Variants in SLC23A2 observed in about 807,000 individuals in gnomAD.
SLC23A2 encodes the protein solute carrier family 23 member 2, also known as Na(+)/L-ascorbic acid transporter 2.
A neutral mutation model predicts 73.3 loss-of-function variants in SLC23A2; 36 were observed. The observed-to-expected ratio is 0.49, with a 90% CI of 0.38 to 0.65. The LOEUF (loss-of-function observed/expected upper bound fraction) is 0.65. SLC23A2 is among the 30% of genes least tolerant of loss of function. The probability of loss-of-function intolerance (pLI) is 0.00; values close to 1 mark genes in which losing one functional copy is unlikely to be tolerated. For missense variants in SLC23A2, 507 were observed against 841.6 expected, an observed-to-expected ratio of 0.60 and a Z score of 4.92; for synonymous variants, 343 against 327.3, an observed-to-expected ratio of 1.05 and a Z score of -0.52.
intron 2 of SLC23A2, among the ~76,000 whole-genome samples, chr20:4,940,060 T>C (rs920163233): frequency 6.6e-6 from 1 of 152,174 alleles, no homozygotes; most frequent in Non-Finnish European, 1.5e-5. Flanking sequence ...CTCATGCCTC[T>C]AATCCCAACA....
At chr20:4,882,147 T>C (rs1930910770) in intron 9 of SLC23A2, among the ~76,000 whole-genome samples, 1 of 151,902 alleles carries the variant, frequency 6.6e-6, no homozygotes, top group Non-Finnish European at 1.5e-5. Context: ...GAGGCCAAGG[T>C]GGGCAGATCA....
At chr20:4,949,479 C>G (rs1292161352) in intron 2 of SLC23A2, among the ~76,000 whole-genome samples, 1 of 152,098 alleles carries the variant, frequency 6.6e-6, no homozygotes, top group African/African-American at 2.4e-5. Flanking sequence ...TTGCTATTCT[C>G]TCTCACATAC....
chr20:4,902,617 G>A lies in SLC23A2; in HGVS notation c.208-59C>T, dbSNP rs532584747. The stretch of plus-strand genomic sequence containing the variant: ...TAAACGTGAAGACCAGTGTTAGCTC[G>A]GCCATGTACAGGCCACTATTACAGA... On this transcript the variant is annotated intron_variant, in intron 4 of 16. Coordinates refer to ENST00000338244, the MANE Select transcript of SLC23A2 (RefSeq NM_005116.6). The surrounding 1 kb of genome is among the most constrained non-coding windows in gnomAD (Gnocchi z 4.0). 6 of 927,432 alleles carry A rather than the reference G, an allele frequency of 6.5e-6. No homozygotes were observed. Among genetic ancestry groups the A allele is most frequent in the South Asian group, 1.5e-5 (1 of 65,330 alleles). 57.5% of individuals were successfully genotyped at this position (927,432 alleles called of 1,614,324 possible).
At chr20:4,881,444 T>C (rs935041645) in intron 9 of SLC23A2, among the ~76,000 whole-genome samples, 4 of 152,152 alleles carry the variant, frequency 2.6e-5, no homozygotes, top group African/African-American at 9.7e-5. Context: ...TTACTTAAGT[T>C]TTCTGAAAAC....
At chr20:4,925,163 A>G (rs1015567079) in intron 3 of SLC23A2, among the ~76,000 whole-genome samples, 3 of 151,376 alleles carry the variant, frequency 2.0e-5, no homozygotes, top group African/African-American at 7.3e-5. Flanking sequence ...AGCCTGAATG[A>G]TAGAGCAAGA....
chr20:4,858,934 C>T (rs999747327), intron 16 of SLC23A2, among the ~76,000 whole-genome samples: 4 of 152,120 alleles, frequency 2.6e-5, no homozygotes, highest in Admixed American at 1.3e-4. Flanking sequence ...CTGTGCCCAC[C>T]TCTCTCAGAT....
At chr20:4,977,582 C>T (rs1183705666) in intron 1 of SLC23A2, among the ~76,000 whole-genome samples, 3 of 151,356 alleles carry the variant, frequency 2.0e-5, no homozygotes, top group Non-Finnish European at 2.9e-5. Flanking sequence ...CCTGTAGTCC[C>T]AGCTACTGGG....
At chr20:4,921,090 T>C (rs1485664770) in intron 3 of SLC23A2, among the ~76,000 whole-genome samples, 1 of 152,232 alleles carries the variant, frequency 6.6e-6, no homozygotes, top group East Asian at 1.9e-4. Flanking sequence ...TTATTTATTA[T>C]AGCAAAGCAT....
Position 4,902,334 on chromosome 20 carries a change from T to C in SLC23A2, c.324+108A>G. The C allele has an allele frequency of 1.5e-6, 1 of 668,280 alleles. No individual in the cohort carries two copies. The highest frequency in any genetic ancestry group is 1.9e-5 in the South Asian group (1 of 53,400). 41.4% of individuals were successfully genotyped at this position (668,280 alleles called of 1,614,324 possible). On this transcript the variant is annotated intron_variant, in intron 5 of 16. Coordinates refer to ENST00000338244, the MANE Select transcript of SLC23A2 (RefSeq NM_005116.6). This position sits in a 1 kb window ranked among gnomAD's most constrained non-coding sequence, Gnocchi z 4.0. The stretch of plus-strand genomic sequence containing the variant: ...TCATCACTCTTAAAAGAGGAATTTA[T>C]AAAAGTCTTCAATAAACAAAAACCA...
intron 1 of SLC23A2, among the ~76,000 whole-genome samples, chr20:5,009,923 G>A (rs1170655782): frequency 3.9e-5 from 6 of 151,914 alleles, no homozygotes; most frequent in East Asian, 1.9e-4. Context: ...GTGAAACCCC[G>A]TCTCTACTAA....
chr20:4,887,961 G>A (rs1600101601), intron 6 of SLC23A2, among the ~76,000 whole-genome samples: 2 of 152,216 alleles, frequency 1.3e-5, no homozygotes, highest in African/African-American at 2.4e-5. Flanking sequence ...TGAAGGTGAT[G>A]AGAGTGGCTT....
chr20:4,861,928 T>A lies in SLC23A2; in HGVS notation c.1624+20A>T, dbSNP rs766866986. On this transcript the variant is annotated intron_variant, in intron 15 of 16. Coordinates refer to ENST00000338244, the MANE Select transcript of SLC23A2 (RefSeq NM_005116.6). ...TGTGGTTCCAGCTCCCACTCCAAGA[T>A]GTAAAGCCCATTTCCTCACCTGTGA... 16 of 1,612,886 alleles carry A rather than the reference T, an allele frequency of 9.9e-6. No individual in the cohort carries two copies. Among genetic ancestry groups the A allele is most frequent in the Non-Finnish European group, 1.3e-5 (15 of 1,179,436 alleles).
At chr20:4,933,001 C>T (rs1051116223) in intron 2 of SLC23A2, among the ~76,000 whole-genome samples, 1 of 152,214 alleles carries the variant, frequency 6.6e-6, no homozygotes, top group East Asian at 1.9e-4. Context: ...CTTTGATATG[C>T]ATATGGTTTA....
rs112487456 is a variant in SLC23A2, at chr20:4,861,732, A to C, written c.1624+216T>G. Among the ~76,000 whole-genome samples the C allele has an allele frequency of 9.6e-3, 1,460 of 152,268 alleles. 22 individuals carry two copies. The highest frequency in any genetic ancestry group is 0.029 in the African/African-American group (1,205 of 41,534). The stretch of plus-strand genomic sequence containing the variant: ...AGGAGAGGGTCCCAGTGAAAAAGAG[A>C]CCTTAGCATCCATGACTGTTATGTG... On this transcript the variant is annotated intron_variant, in intron 15 of 16. Transcript: ENST00000338244.
intron 6 of SLC23A2, among the ~76,000 whole-genome samples, chr20:4,897,277 C>T (rs887367645): frequency 6.6e-6 from 1 of 152,218 alleles, no homozygotes; most frequent in African/African-American, 2.4e-5. Flanking sequence ...CCCCAGCACA[C>T]CTGCACCTGC....
chr20:4,984,123 G>T (rs1032888730), intron 1 of SLC23A2, among the ~76,000 whole-genome samples: 3 of 152,118 alleles, frequency 2.0e-5, no homozygotes, highest in Admixed American at 1.3e-4. Context: ...GGCAAAGAAA[G>T]CTGGATGACC....
At chr20:4,954,197 G>A (rs926057093) in intron 2 of SLC23A2, among the ~76,000 whole-genome samples, 1 of 152,110 alleles carries the variant, frequency 6.6e-6, no homozygotes, top group Non-Finnish European at 1.5e-5. Context: ...TAGGGGTAGG[G>A]AGGATATACA....
At chr20:4,953,335 A>T (rs1019704055) in intron 2 of SLC23A2, among the ~76,000 whole-genome samples, 21 of 151,926 alleles carry the variant, frequency 1.4e-4, no homozygotes, top group Non-Finnish European at 5.9e-5. Flanking sequence ...TAAATTAAAT[A>T]AAAAAAGAAA....
chr20:4,976,162 T>C (rs2087642286), intron 1 of SLC23A2, among the ~76,000 whole-genome samples: 1 of 148,694 alleles, frequency 6.7e-6, no homozygotes, highest in Non-Finnish European at 1.5e-5. Context: ...CAAGAGTTTC[T>C]TTTTTTTTTC....
Sources: allele counts gnomAD v4.1 joint callset (sites outside exome capture counted in the v4.1 genomes callset), GRCh38; gene constraint gnomAD v4.1.1; non-coding constraint Gnocchi (gnomAD v3.1); transcripts MANE v1.5; gene names NCBI Gene and HGNC (gene_info 2026-07-23, HGNC 2026-07-21).